Variants in MLLT10 observed in about 807,000 individuals in gnomAD.
MLLT10 encodes the protein protein AF-10.
Under a neutral mutation model 129.1 loss-of-function variants are expected in MLLT10, and 30 were observed. The ratio of observed to expected loss-of-function variants is 0.23; its 90% CI spans 0.17 to 0.32. The LOEUF (loss-of-function observed/expected upper bound fraction) is 0.32, where lower values mean the gene tolerates loss of function less well. Ranked by LOEUF, MLLT10 falls within the 10% of genes least tolerant of loss-of-function variation. The pLI is 1.00. For missense variants in MLLT10, 1,119 were observed against 1,268.3 expected, an observed-to-expected ratio of 0.88 and a Z score of 1.79; for synonymous variants, 490 against 446.4, an observed-to-expected ratio of 1.10 and a Z score of -1.23.
intron 17 of MLLT10, 34 bp downstream of exon 17, chr10:21,731,088 C>T (rs754503954): frequency 1.2e-5 from 19 of 1,560,566 alleles, no homozygotes; most frequent in Admixed American, 1.9e-5. Context: ...TGAATCAAGA[C>T]AGATGGGCAG....
intron 13 of MLLT10, among the ~76,000 whole-genome samples, chr10:21,706,779 T>C (rs1463944152): frequency 6.6e-6 from 1 of 152,188 alleles, no homozygotes; most frequent in Non-Finnish European, 1.5e-5. Flanking sequence ...TAATAAAAAC[T>C]TAAGTCTAAA....
At chr10:21,534,915 G>A in intron 2 of MLLT10, 111 bp downstream of exon 2, 2 of 716,246 alleles carry the variant, frequency 2.8e-6, no homozygotes, top group Non-Finnish European at 1.7e-6. Context: ...GGCCGCGGGA[G>A]GGACGCGGAG....
chr10:21,622,002 T>G (rs1195303950), intron 8 of MLLT10, among the ~76,000 whole-genome samples: 1 of 152,180 alleles, frequency 6.6e-6, no homozygotes, highest in Non-Finnish European at 1.5e-5. Flanking sequence ...ATATATAGCC[T>G]TTGCTTTTCA....
intron 5 of MLLT10, among the ~76,000 whole-genome samples, chr10:21,600,083 T>C (rs1240505172): frequency 1.3e-5 from 2 of 152,212 alleles, no homozygotes; most frequent in Non-Finnish European, 1.5e-5. Flanking sequence ...ATTTGAAATA[T>C]TATTTGAATC....
At chr10:21,613,639 C>T (rs1405376576) in intron 6 of MLLT10, among the ~76,000 whole-genome samples, 5 of 151,082 alleles carry the variant, frequency 3.3e-5, no homozygotes, top group South Asian at 4.1e-4. Context: ...CTGTGGCTTA[C>T]GCCTGTAATC....
intron 3 of MLLT10, among the ~76,000 whole-genome samples, chr10:21,578,615 CTT>C (rs1433488495): frequency 1.3e-5 from 2 of 152,110 alleles, no homozygotes; most frequent in Non-Finnish European, 2.9e-5. Flanking sequence ...CTGCGATTCA[CTT>C]TTGAATTAAT....
chr10:21,580,299 T>C (rs1003190392), intron 3 of MLLT10, among the ~76,000 whole-genome samples: 20 of 152,090 alleles, frequency 1.3e-4, no homozygotes, highest in African/African-American at 4.6e-4. Context: ...AACTTGACAA[T>C]ATAACGGAAA....
chr10:21,636,566 TTTC>T (rs1373446840), intron 8 of MLLT10, among the ~76,000 whole-genome samples: 1 of 151,486 alleles, frequency 6.6e-6, no homozygotes, highest in African/African-American at 2.4e-5. Context: ...CCTAATATGA[TTTC>T]TTTTCTTTTC....
chr10:21,697,851 G>A (rs949886599), intron 13 of MLLT10, among the ~76,000 whole-genome samples: 1 of 152,188 alleles, frequency 6.6e-6, no homozygotes, highest in African/African-American at 2.4e-5. Context: ...AGGGAAGACC[G>A]ATTAACAACA....
At chr10:21,608,990 C>A (rs2044332188) in intron 5 of MLLT10, among the ~76,000 whole-genome samples, 1 of 152,020 alleles carries the variant, frequency 6.6e-6, no homozygotes, top group Non-Finnish European at 1.5e-5. Flanking sequence ...CTTTCTTCTC[C>A]CTGTGTGTCT....
At chr10:21,660,084 C>T (rs1263531798) in intron 9 of MLLT10, among the ~76,000 whole-genome samples, 2 of 151,998 alleles carry the variant, frequency 1.3e-5, no homozygotes, top group Non-Finnish European at 2.9e-5. Flanking sequence ...CCACCTCAGC[C>T]TCCTGATCAG....
intron 13 of MLLT10, among the ~76,000 whole-genome samples, chr10:21,707,350 G>A (rs1273545453): frequency 6.6e-6 from 1 of 151,686 alleles, no homozygotes; most frequent in Non-Finnish European, 1.5e-5. Context: ...GCGCCACCAT[G>A]CCCGGCTAAT....
At chr10:21,565,987 C>T (rs1835958423) in intron 3 of MLLT10, among the ~76,000 whole-genome samples, 1 of 118,122 alleles carries the variant, frequency 8.5e-6, no homozygotes, top group East Asian at 2.8e-4. Context: ...GAGTATCTCT[C>T]TGTCACCCTG....
chr10:21,679,024 A>G (rs2052474778), intron 11 of MLLT10, among the ~76,000 whole-genome samples: 1 of 152,220 alleles, frequency 6.6e-6, no homozygotes, highest in African/African-American at 2.4e-5. Context: ...TTCAAATTGT[A>G]GCAGAGTACA....
At chr10:21,672,653 A>T (rs907723167) in intron 10 of MLLT10, among the ~76,000 whole-genome samples, 4 of 152,156 alleles carry the variant, frequency 2.6e-5, no homozygotes, top group African/African-American at 9.7e-5. Flanking sequence ...CATGTTCTTT[A>T]AAGAAAGAAT....
intron 14 of MLLT10, among the ~76,000 whole-genome samples, chr10:21,717,798 T>TCTC (rs1407360176): frequency 2.3e-5 from 3 of 131,366 alleles, no homozygotes; most frequent in African/African-American, 6.2e-5. Context: ...TTCTTCTTCT[T>TCTC]CTCCTTCTTC....
At chr10:21,732,289 T>C (rs539341542) in intron 17 of MLLT10, among the ~76,000 whole-genome samples, 6 of 152,322 alleles carry the variant, frequency 3.9e-5, no homozygotes, top group African/African-American at 1.4e-4. Context: ...GGGGCCAGAC[T>C]GAAAGTCAGC....
At chr10:21,655,005 G>C (rs1185173028) in intron 9 of MLLT10, among the ~76,000 whole-genome samples, 1 of 152,042 alleles carries the variant, frequency 6.6e-6, no homozygotes, top group Non-Finnish European at 1.5e-5. Context: ...AGACCTCAAA[G>C]ATTGTTGGAG....
intron 4 of MLLT10, among the ~76,000 whole-genome samples, chr10:21,592,920 C>G (rs1173088329): frequency 3.9e-5 from 6 of 152,090 alleles, no homozygotes; most frequent in Non-Finnish European, 5.9e-5. Flanking sequence ...CTCATATTTT[C>G]TCTGAGACTC....
Sources: allele counts gnomAD v4.1 joint callset (sites outside exome capture counted in the v4.1 genomes callset), GRCh38; gene constraint gnomAD v4.1.1; transcripts MANE v1.5; gene names NCBI Gene and HGNC (gene_info 2026-07-23, HGNC 2026-07-21).